The following MYOZ2 variants were observed in gnomAD, a reference collection of about 807,000 sequenced individuals.
MYOZ2 encodes the protein myozenin-2.
A neutral mutation model predicts 25.4 loss-of-function variants in MYOZ2; 19 were observed. That is an observed-to-expected ratio of 0.75 (90% CI 0.52 to 1.10). The LOEUF is 1.10. Among genes scored for constraint, MYOZ2 ranks in the 50% least tolerant of loss-of-function variants. The probability of loss-of-function intolerance (pLI) is 0.00; values close to 1 mark genes in which losing one functional copy is unlikely to be tolerated. For synonymous variants in MYOZ2, 92 were observed against 106.9 expected, an observed-to-expected ratio of 0.86 and a Z score of 0.86; for missense variants, 270 against 317.9, an observed-to-expected ratio of 0.85 and a Z score of 1.15.
intron 4 of MYOZ2, among the ~76,000 whole-genome samples, chr4:119,161,441 GAATA>G (rs1741708287): frequency 1.3e-5 from 2 of 151,714 alleles, no homozygotes; most frequent in African/African-American, 2.4e-5. Flanking sequence ...TTTCATACAT[GAATA>G]AATAAGAGTA....
At chr4:119,171,385 C>T (rs1741942401) in intron 5 of MYOZ2, among the ~76,000 whole-genome samples, 1 of 151,814 alleles carries the variant, frequency 6.6e-6, no homozygotes, top group Admixed American at 6.6e-5. Flanking sequence ...ATGTTTTGTG[C>T]ACTTTCTGTA....
chr4:119,181,615 G>A (rs955643251), intron 5 of MYOZ2, among the ~76,000 whole-genome samples: 3 of 152,116 alleles, frequency 2.0e-5, no homozygotes, highest in Non-Finnish European at 2.9e-5. Context: ...TAGCCATTTG[G>A]TTTCCTTAGA....
intron 2 of MYOZ2, among the ~76,000 whole-genome samples, chr4:119,137,962 A>G (rs764703891): frequency 1.3e-5 from 2 of 152,150 alleles, no homozygotes; most frequent in Non-Finnish European, 2.9e-5. Flanking sequence ...TTTTCTAATG[A>G]CATCCTAATC....
intron 2 of MYOZ2, among the ~76,000 whole-genome samples, chr4:119,150,156 C>T (rs866028588): frequency 6.6e-6 from 1 of 151,998 alleles, no homozygotes; most frequent in Admixed American, 6.6e-5. Flanking sequence ...TACTGAATAT[C>T]TGATATATTT....
At chr4:119,177,516 G>A (rs1742102250) in intron 5 of MYOZ2, among the ~76,000 whole-genome samples, 1 of 152,024 alleles carries the variant, frequency 6.6e-6, no homozygotes, top group Non-Finnish European at 1.5e-5. Context: ...CTCAACATGG[G>A]ATGTTTCCAC....
At chr4:119,164,795 T>TA (rs1741785160) in intron 5 of MYOZ2, among the ~76,000 whole-genome samples, 1 of 152,118 alleles carries the variant, frequency 6.6e-6, no homozygotes, top group Non-Finnish European at 1.5e-5. Flanking sequence ...ACTGTGTAAC[T>TA]CCAGATTCTA....
intron 2 of MYOZ2, among the ~76,000 whole-genome samples, chr4:119,141,980 A>AGAAGG (rs1188365863): frequency 2.6e-5 from 4 of 152,172 alleles, no homozygotes; most frequent in Non-Finnish European, 5.9e-5. Flanking sequence ...TTTAACTATT[A>AGAAGG]GAAGGGAAGG....
At chr4:119,182,926 C>G (rs944141162) in intron 5 of MYOZ2, among the ~76,000 whole-genome samples, 1 of 151,862 alleles carries the variant, frequency 6.6e-6, no homozygotes, top group African/African-American at 2.4e-5. Context: ...TTAATTGAAA[C>G]GAAAGTAATA....
Position 119,153,682 on chromosome 4 carries a change from AC to A in MYOZ2, c.246+2647del, listed in dbSNP as rs201349889. On this transcript the variant is annotated intron_variant, in intron 3 of 5. Coordinates refer to ENST00000307128, the MANE Select transcript of MYOZ2 (RefSeq NM_016599.5). ...CCTCATATAAATGAAAATATAAACC[AC>A]CCCCCTGGTAATTAATGCCATTTGT... Among the ~76,000 whole-genome samples the A allele has an allele frequency of 8.5e-3, 1,289 of 152,058 alleles. 19 individuals carry two copies. The highest frequency in any genetic ancestry group is 0.029 in the African/African-American group (1,215 of 41,504).
intron 2 of MYOZ2, among the ~76,000 whole-genome samples, chr4:119,137,567 A>G (rs968330139): frequency 2.0e-5 from 3 of 152,170 alleles, no homozygotes; most frequent in Non-Finnish European, 4.4e-5. Flanking sequence ...CACCTTCCAT[A>G]AAGCAAGAGG....
intron 5 of MYOZ2, among the ~76,000 whole-genome samples, chr4:119,180,980 C>A (rs989307270): frequency 2.0e-5 from 3 of 152,176 alleles, no homozygotes; most frequent in Non-Finnish European, 4.4e-5. Context: ...GAAGGGAACA[C>A]CAATATAAGT....
intron 3 of MYOZ2, among the ~76,000 whole-genome samples, chr4:119,157,668 T>C (rs1020168399): frequency 2.0e-5 from 3 of 152,132 alleles, no homozygotes; most frequent in Admixed American, 6.6e-5. Flanking sequence ...ATTAGATTAG[T>C]AAGGATTCAA....
chr4:119,169,020 G>A (rs1234591690), intron 5 of MYOZ2, among the ~76,000 whole-genome samples: 2 of 152,114 alleles, frequency 1.3e-5, no homozygotes, highest in Non-Finnish European at 2.9e-5. Flanking sequence ...TTAATAAATT[G>A]CCACAATCAA....
At chr4:119,152,569 T>C (rs1206614130) in intron 3 of MYOZ2, among the ~76,000 whole-genome samples, 1 of 152,136 alleles carries the variant, frequency 6.6e-6, no homozygotes, top group Non-Finnish European at 1.5e-5. Flanking sequence ...ACCACCAGTA[T>C]TTCAAATTAT....
Position 119,156,975 on chromosome 4 carries a change from T to C in MYOZ2, c.247-1047T>C, listed in dbSNP as rs186118070. 8.9e-4 allele frequency among the ~76,000 whole-genome samples: 135 copies of C among 152,324 alleles called. 1 individual carries two copies. In the East Asian group the frequency reaches 0.019, roughly 22 times the overall value. On this transcript the variant is annotated intron_variant, in intron 3 of 5. Transcript: ENST00000307128. ...GATCTTAATTTATGGCCTTTAGTTA[T>C]GGTAAGTATTTAAATTTTAAAACAA...
At chr4:119,155,596 C>T (rs1741556035) in intron 3 of MYOZ2, among the ~76,000 whole-genome samples, 1 of 151,944 alleles carries the variant, frequency 6.6e-6, no homozygotes. Context: ...CTGAGGAGGG[C>T]AGAGGGTAGT....
At chr4:119,158,359 C>T (rs1741632502) in intron 4 of MYOZ2, among the ~76,000 whole-genome samples, 1 of 152,068 alleles carries the variant, frequency 6.6e-6, no homozygotes, top group African/African-American at 2.4e-5. Flanking sequence ...AGTTTGAGAC[C>T]AGCCTGGATC....
At chr4:119,157,426 T>G (rs2149223202) in intron 3 of MYOZ2, among the ~76,000 whole-genome samples, 1 of 152,328 alleles carries the variant, frequency 6.6e-6, no homozygotes, top group South Asian at 2.1e-4. Context: ...GACAAATGTA[T>G]TTTTTCAGCA....
chr4:119,173,817 G>A (rs1323087141), intron 5 of MYOZ2, among the ~76,000 whole-genome samples: 1 of 152,206 alleles, frequency 6.6e-6, no homozygotes, highest in Non-Finnish European at 1.5e-5. Context: ...GGGGCTGCGT[G>A]GGACGCTTGC....
Sources: allele counts gnomAD v4.1 joint callset (sites outside exome capture counted in the v4.1 genomes callset), GRCh38; gene constraint gnomAD v4.1.1; transcripts MANE v1.5; gene names NCBI Gene and HGNC (gene_info 2026-07-23, HGNC 2026-07-21).